Variants in PTPA observed in about 807,000 individuals in gnomAD.
PTPA encodes serine/threonine-protein phosphatase 2A activator.
A neutral mutation model predicts 43.6 loss-of-function variants in PTPA; 13 were observed. The observed-to-expected ratio is 0.30, with a 90% CI of 0.19 to 0.47. The LOEUF (loss-of-function observed/expected upper bound fraction) is 0.47, where lower values mean the gene tolerates loss of function less well. Among genes scored for constraint, PTPA ranks in the 20% least tolerant of loss-of-function variants. The pLI, the probability that PTPA is intolerant of heterozygous loss-of-function variation, is 0.99. For missense variants in PTPA, 329 were observed against 411.9 expected, an observed-to-expected ratio of 0.80 and a Z score of 1.74; for synonymous variants, 172 against 158.2, an observed-to-expected ratio of 1.09 and a Z score of -0.66.
rs747581103 is a variant in PTPA at position 129,120,641 on chromosome 9, G to A, written c.129+31G>A. ...ATTTGGAACTGTGGTGAGAAACTTG[G>A]GCTTTTCAAAGACAGTGGTTTTCCT... On this transcript the variant is annotated intron_variant, in intron 2 of 9. Coordinates refer to ENST00000393370, the MANE Select transcript of PTPA (RefSeq NM_178000.3). The A allele has an allele frequency of 1.9e-6, 3 of 1,582,078 alleles. No individual in the cohort carries two copies. The African/African-American group carries it at 4.1e-5, about 21-fold the overall frequency.
At chr9:129,120,219 C>G (rs113640609) in intron 1 of PTPA, among the ~76,000 whole-genome samples, 9,227 of 151,564 alleles carry the variant, frequency 0.061, 890 homozygotes, top group African/African-American at 0.21. Flanking sequence ...GATCGCGCCA[C>G]TGCACTCCAG....
At chr9:129,136,767 C>T (rs554987569) in intron 7 of PTPA, among the ~76,000 whole-genome samples, 172 bp downstream of exon 7, 14 of 152,340 alleles carry the variant, frequency 9.2e-5, no homozygotes, top group African/African-American at 3.1e-4. Flanking sequence ...TTACTGTCGA[C>T]CTTCTGCTGT....
intron 9 of PTPA, chr9:129,142,893 C>T: frequency 2.0e-6 from 3 of 1,496,888 alleles, no homozygotes; most frequent in Non-Finnish European, 2.7e-6. Flanking sequence ...AAAGCTCGGG[C>T]AGTCTGAGTC....
chr9:129,111,202 G>A (rs749984740), upstream of PTPA: 2 of 1,118,132 alleles, frequency 1.8e-6, no homozygotes, highest in Non-Finnish European at 2.3e-6. Context: ...AGACTGTCCC[G>A]GAAAAACATG....
At chr9:129,116,348 C>G (rs1326068508) in intron 1 of PTPA, among the ~76,000 whole-genome samples, 3 of 81,344 alleles carry the variant, frequency 3.7e-5, no homozygotes, top group African/African-American at 1.0e-4. Flanking sequence ...CCTCGCCCAG[C>G]TAATTTTTTT....
chr9:129,111,401 C>T, upstream of PTPA: 2 of 1,244,866 alleles, frequency 1.6e-6, no homozygotes, highest in East Asian at 6.3e-5. Context: ...AGGCTTGCTC[C>T]CTGAGCGCCC....
intron 9 of PTPA, chr9:129,143,626 T>C (rs1267786641): frequency 1.5e-5 from 9 of 582,774 alleles, no homozygotes; most frequent in Non-Finnish European, 2.1e-5. Context: ...AGGCTTGAAC[T>C]GAACAGACCG....
At chr9:129,136,067 A>G (rs1850346637) in intron 6 of PTPA, among the ~76,000 whole-genome samples, 1 of 152,126 alleles carries the variant, frequency 6.6e-6, no homozygotes. Context: ...TCCTGGGTTC[A>G]TGCCATTCTC....
chr9:129,138,035 G>A (rs900874904), intron 8 of PTPA: 2 of 357,242 alleles, frequency 5.6e-6, no homozygotes, highest in Non-Finnish European at 1.1e-5. Context: ...AGCATCTTTC[G>A]GTGGGGCCCC....
chr9:129,119,497 C>G (rs1293996295), intron 1 of PTPA: 1 of 152,046 alleles, frequency 6.6e-6, no homozygotes, highest in Admixed American at 6.5e-5. Flanking sequence ...GCTCCGCCTC[C>G]CAGGTTCACG....
At chr9:129,144,339 C>G (rs1291318979) in intron 9 of PTPA, among the ~76,000 whole-genome samples, 1 of 151,994 alleles carries the variant, frequency 6.6e-6, no homozygotes, top group African/African-American at 2.4e-5. Context: ...GGGGAGCTCT[C>G]TAGTAATCTG....
intron 9 of PTPA, 58 bp downstream of exon 9, chr9:129,142,610 G>T (rs970175060): frequency 1.9e-6 from 3 of 1,604,360 alleles, no homozygotes; most frequent in Non-Finnish European, 2.6e-6. Context: ...CCTGGGCTGG[G>T]GACAAAGCAA....
At chr9:129,118,396 CAG>C (rs1849034531) in intron 1 of PTPA, among the ~76,000 whole-genome samples, 1 of 150,340 alleles carries the variant, frequency 6.7e-6, no homozygotes, top group South Asian at 2.1e-4. Flanking sequence ...TTATTTGAGT[CAG>C]AGTTTCACTC....
At position 129,136,455 on chromosome 9, in the gene PTPA, C is replaced by G. The variant is rs1850374990; in HGVS notation, c.561-16C>G. On this transcript the variant is annotated splice_polypyrimidine_tract_variant and intron_variant, in intron 6 of 9. Transcript: ENST00000393370. ...TTACTTTTTGCTACCTTCCCTTTCC[C>G]TGTCCTCCTGTGCAGGTACCTTGAG... 1.2e-6 allele frequency: 2 copies of G among 1,603,304 alleles called. No homozygotes were observed. The highest frequency in any genetic ancestry group is 1.3e-5 in the African/African-American group (1 of 74,570).
rs78026456 is a variant in PTPA at position 129,112,631 on chromosome 9, G to A, written c.31+1000G>A. Among the ~76,000 whole-genome samples, 232 of 152,268 alleles carry A rather than the reference G, an allele frequency of 1.5e-3. 1 individual carries two copies. Among genetic ancestry groups the A allele is most frequent in the African/African-American group, 5.3e-3 (222 of 41,542 alleles). Reference sequence around the variant, plus strand: ...ACATTTATTTTGTACAAAACCTCTGGGTGTGTGCCCTTAGAACAAGGATGT... The same window carrying A: ...ACATTTATTTTGTACAAAACCTCTGAGTGTGTGCCCTTAGAACAAGGATGT... On this transcript the variant is annotated intron_variant, in intron 1 of 9. Coordinates refer to ENST00000393370, the MANE Select transcript of PTPA (RefSeq NM_178000.3).
At chr9:129,116,660 C>T (rs1588484510) in intron 1 of PTPA, among the ~76,000 whole-genome samples, 1 of 152,156 alleles carries the variant, frequency 6.6e-6, no homozygotes, top group Admixed American at 6.5e-5. Flanking sequence ...GCTGGGATTA[C>T]AGGCGTGAGC....
chr9:129,138,004 G>A (rs889265975), intron 8 of PTPA: 24 of 388,190 alleles, frequency 6.2e-5, no homozygotes, highest in African/African-American at 5.0e-4. Flanking sequence ...CGGGGCGGGC[G>A]GAGGTTTGTG....
chr9:129,134,259 C>T (rs991062205), intron 5 of PTPA, among the ~76,000 whole-genome samples: 38 of 147,144 alleles, frequency 2.6e-4, no homozygotes, highest in Admixed American at 3.4e-4. Flanking sequence ...ATGTCCAGCC[C>T]GGGTCTTTTA....
chr9:129,120,601 G>A lies in PTPA; in HGVS notation c.120G>A (p.Lys40=), dbSNP rs1453136440. 6 of 1,611,756 alleles carry A rather than the reference G, an allele frequency of 3.7e-6. No homozygotes were observed. Among genetic ancestry groups the A allele is most frequent in the Non-Finnish European group, 5.1e-6 (6 of 1,178,078 alleles). The change falls in exon 2 of 10, where the codon AAG becomes AAA. Residue 40 remains lysine, a synonymous_variant. Coordinates refer to ENST00000393370, the MANE Select transcript of PTPA (RefSeq NM_178000.3). ...IHTVPDMGKW[K]RSQAYADYIG... The stretch of plus-strand genomic sequence containing the variant: ...CAGTTCCAGACATGGGCAAATGGAA[G>A]CGTTCTCAGGTACCATTTGGAACTG...
Sources: gnomAD v4.1 joint callset for allele counts (sites outside exome capture counted in the v4.1 genomes callset) on GRCh38, gnomAD v4.1.1 for gene constraint, MANE v1.5 for transcripts, NCBI Gene and HGNC (gene_info 2026-07-23, HGNC 2026-07-21) for gene names.